PI4KA: variants seen among roughly 807,000 people sequenced by gnomAD.
PI4KA encodes PI4-kinase alpha.
Under a neutral mutation model 271.4 loss-of-function variants are expected in PI4KA, and 122 were observed. The observed-to-expected ratio is 0.45, with a 90% CI of 0.39 to 0.52. The LOEUF is 0.52. Ranked by LOEUF, PI4KA falls within the 20% of genes least tolerant of loss-of-function variation. The probability of loss-of-function intolerance (pLI) is 0.00; values close to 1 mark genes in which losing one functional copy is unlikely to be tolerated. For synonymous variants in PI4KA, 1,041 were observed against 1,078.8 expected (o/e 0.96, Z 0.69); for missense variants, 1,969 against 2,769.1 (o/e 0.71, Z 6.48).
At chr22:20,852,724 T>C (rs1033237582) in intron 1 of PI4KA, among the ~76,000 whole-genome samples, 5 of 152,086 alleles carry the variant, frequency 3.3e-5, no homozygotes, top group African/African-American at 1.2e-4. Flanking sequence ...AGGAAATTCT[T>C]GGCTTCATGA....
At position 20,761,385 on chromosome 22, in the gene PI4KA, C is replaced by A; in HGVS notation, c.2710G>T (p.Val904Leu). The A allele has an allele frequency of 6.2e-7, 1 of 1,604,288 alleles. No homozygotes were observed. Among genetic ancestry groups the A allele is most frequent in the Non-Finnish European group, 8.5e-7 (1 of 1,171,134 alleles). The change falls in exon 23 of 55, where the codon GTA (valine) becomes TTA (leucine). Residue 904 changes from valine to leucine, a missense_variant and splice_region_variant. Physicochemically the swap from Val to Leu is conservative, Grantham distance 32. Coordinates refer to ENST00000255882, the MANE Select transcript of PI4KA (RefSeq NM_058004.4). ...LSVYRLEYMR[V>L]LRSTDPDRFQ... ...CGATCAGGATCTGTTGAACGCAGTACCCTAAGAAGAAAACAGCTTTAAATA... is the reference window on the plus strand; with the variant it reads ...CGATCAGGATCTGTTGAACGCAGTAACCTAAGAAGAAAACAGCTTTAAATA...
At chr22:20,789,618 C>T (rs1410526305) in intron 19 of PI4KA, among the ~76,000 whole-genome samples, 1 of 152,204 alleles carries the variant, frequency 6.6e-6, no homozygotes, top group African/African-American at 2.4e-5. Flanking sequence ...GTGTAAGCCA[C>T]CATGCCTGGT....
At chr22:20,712,142 C>G (rs1237397853) in intron 50 of PI4KA, among the ~76,000 whole-genome samples, 1 of 151,504 alleles carries the variant, frequency 6.6e-6, no homozygotes, top group East Asian at 1.9e-4. Context: ...ACAGCAACCT[C>G]TGCCTCCTGG....
chr22:20,849,803 G>A (rs372184106), intron 1 of PI4KA, among the ~76,000 whole-genome samples: 5 of 152,144 alleles, frequency 3.3e-5, no homozygotes, highest in South Asian at 2.1e-4. Context: ...GCAGTGAGCC[G>A]AGATCGCGCC....
chr22:20,774,867 A>T (rs890043114), intron 19 of PI4KA, among the ~76,000 whole-genome samples: 3 of 152,188 alleles, frequency 2.0e-5, no homozygotes, highest in African/African-American at 7.2e-5. Context: ...CATGCCTGTG[A>T]GAACACACAC....
At chr22:20,848,819 GAAA>G (rs942798575) in intron 1 of PI4KA, among the ~76,000 whole-genome samples, 1 of 143,168 alleles carries the variant, frequency 7.0e-6, no homozygotes, top group South Asian at 2.2e-4. Context: ...AGGGACAAAA[GAAA>G]AAAAAAATGA....
intron 7 of PI4KA, among the ~76,000 whole-genome samples, chr22:20,814,625 A>G (rs1051372707): frequency 1.3e-5 from 2 of 151,770 alleles, no homozygotes; most frequent in African/African-American, 4.8e-5. Flanking sequence ...CCATGGGCCT[A>G]TAGTCCCAGC....
chr22:20,761,235 G>C, intron 23 of PI4KA, 69 bp downstream of exon 23: 1 of 851,540 alleles, frequency 1.2e-6, no homozygotes. Context: ...ACAGAAAAGA[G>C]GAAGTAGTAC....
At chr22:20,787,781 G>T in intron 19 of PI4KA, 1 of 155,614 alleles carries the variant, frequency 6.4e-6, no homozygotes, top group Non-Finnish European at 1.4e-5. Flanking sequence ...CCAAATTCCT[G>T]GATAACTCCA....
chr22:20,855,397 T>G (rs1455504576), intron 1 of PI4KA, among the ~76,000 whole-genome samples: 2 of 152,226 alleles, frequency 1.3e-5, no homozygotes, highest in East Asian at 3.9e-4. Context: ...CGCAAGATCT[T>G]AGATAAGGAT....
At chr22:20,767,492 ACT>A (rs1932639568) in intron 19 of PI4KA, among the ~76,000 whole-genome samples, 1 of 151,848 alleles carries the variant, frequency 6.6e-6, no homozygotes, top group Non-Finnish European at 1.5e-5. Context: ...ATAGGGTCTC[ACT>A]CTGTTACCCA....
At chr22:20,737,838 T>C (rs1201757911) in intron 32 of PI4KA, among the ~76,000 whole-genome samples, 1 of 151,932 alleles carries the variant, frequency 6.6e-6, no homozygotes, top group Non-Finnish European at 1.5e-5. Context: ...TCCATATTGG[T>C]CAGGCTGGTC....
intron 42 of PI4KA, among the ~76,000 whole-genome samples, chr22:20,724,807 T>C (rs112413062): frequency 1.4e-3 from 209 of 151,972 alleles, no homozygotes; most frequent in African/African-American, 4.7e-3. Flanking sequence ...GATCTCACCC[T>C]TATGCTAGGC....
chr22:20,771,251 G>T (rs1455609704), intron 19 of PI4KA, among the ~76,000 whole-genome samples: 1 of 151,918 alleles, frequency 6.6e-6, no homozygotes, highest in East Asian at 1.9e-4. Context: ...GGTGAAACCC[G>T]TCTCTACTAA....
At chr22:20,815,917 G>A (rs183691921) in intron 7 of PI4KA, among the ~76,000 whole-genome samples, 7 of 151,798 alleles carry the variant, frequency 4.6e-5, no homozygotes, top group Non-Finnish European at 1.0e-4. Context: ...TGGGATTTAC[G>A]CAGGGGGTGT....
At chr22:20,745,187 T>C (rs999783045) in intron 29 of PI4KA, among the ~76,000 whole-genome samples, 5 of 152,194 alleles carry the variant, frequency 3.3e-5, no homozygotes, top group African/African-American at 7.2e-5. Context: ...GGGTACACCT[T>C]GAATACAAAG....
intron 19 of PI4KA, among the ~76,000 whole-genome samples, chr22:20,777,589 A>C (rs572160543): frequency 1.3e-5 from 2 of 152,318 alleles, no homozygotes; most frequent in East Asian, 3.9e-4. Context: ...CCTGGGCTCA[A>C]GTGATCTTCC....
chr22:20,779,687 T>C (rs773677395), intron 19 of PI4KA: 1 of 1,614,202 alleles, frequency 6.2e-7, no homozygotes, highest in Non-Finnish European at 8.5e-7. Context: ...GGATCCAGCG[T>C]CTTAACATCC....
chr22:20,797,014 G>T (rs958723723), intron 17 of PI4KA, among the ~76,000 whole-genome samples: 1 of 152,174 alleles, frequency 6.6e-6, no homozygotes, highest in Non-Finnish European at 1.5e-5. Flanking sequence ...TTGAGCCTCA[G>T]TTTCTTCCTA....
Sources: gnomAD v4.1 joint callset for allele counts (sites outside exome capture counted in the v4.1 genomes callset) on GRCh38, gnomAD v4.1.1 for gene constraint, MANE v1.5 for transcripts, NCBI Gene and HGNC (gene_info 2026-07-23, HGNC 2026-07-21) for gene names.